COP1: variants seen among roughly 807,000 people sequenced by gnomAD.
COP1 encodes E3 ubiquitin-protein ligase COP1.
Under a neutral mutation model 101.3 loss-of-function variants are expected in COP1, and 24 were observed. The observed-to-expected ratio is 0.24, with a 90% CI of 0.17 to 0.33. The LOEUF is 0.33. Among genes scored for constraint, COP1 ranks in the 10% least tolerant of loss-of-function variants. COP1 has a pLI of 1.00. For missense variants in COP1, 663 were observed against 906.2 expected (o/e 0.73, Z 3.45); for synonymous variants, 347 against 341.9 (o/e 1.01, Z -0.17).
At chr1:175,993,287 A>T (rs2148787734) in intron 15 of COP1, among the ~76,000 whole-genome samples, 1 of 152,340 alleles carries the variant, frequency 6.6e-6, no homozygotes, top group Admixed American at 6.5e-5. Flanking sequence ...AACCACAAAG[A>T]TGGGGAAAAA....
intron 11 of COP1, among the ~76,000 whole-genome samples, chr1:176,059,260 C>T (rs1470295961): frequency 6.6e-6 from 1 of 152,132 alleles, no homozygotes; most frequent in African/African-American, 2.4e-5. Flanking sequence ...TTATTCTCTC[C>T]CTCTTAAGCA....
intron 11 of COP1, among the ~76,000 whole-genome samples, chr1:176,070,744 T>G (rs947318698): frequency 2.3e-4 from 35 of 152,194 alleles, no homozygotes; most frequent in South Asian, 4.1e-4. Context: ...CTTGAGCTCC[T>G]GGGCTCAAGA....
At chr1:175,993,719 A>G (rs1659316446) in intron 15 of COP1, among the ~76,000 whole-genome samples, 1 of 152,218 alleles carries the variant, frequency 6.6e-6, no homozygotes, top group Non-Finnish European at 1.5e-5. Context: ...AAATGAGCAA[A>G]GCCTCCAAGA....
chr1:176,041,648 C>T (rs902418797), intron 14 of COP1, among the ~76,000 whole-genome samples: 18 of 152,132 alleles, frequency 1.2e-4, no homozygotes, highest in African/African-American at 3.9e-4. Flanking sequence ...CTACCACGCC[C>T]GGCCCCTGCT....
chr1:176,070,228 G>C (rs528993320), intron 11 of COP1, among the ~76,000 whole-genome samples: 1 of 151,558 alleles, frequency 6.6e-6, no homozygotes, highest in South Asian at 2.1e-4. Context: ...CAATCACGAA[G>C]TTCTGGCTAC....
At chr1:176,202,319 A>C (rs767318378) in intron 1 of COP1, among the ~76,000 whole-genome samples, 9 of 150,874 alleles carry the variant, frequency 6.0e-5, no homozygotes, top group Non-Finnish European at 1.5e-5. Context: ...CTTCTTGAGT[A>C]GCTGGGACTA....
At chr1:176,188,816 AGT>A (rs972716709) in intron 1 of COP1, among the ~76,000 whole-genome samples, 1 of 136,654 alleles carries the variant, frequency 7.3e-6, no homozygotes, top group African/African-American at 2.6e-5. Flanking sequence ...TTCCAGCCTA[AGT>A]GACAAAACAC....
At chr1:175,968,338 ACCAG>A in intron 18 of COP1, 1 of 448,608 alleles carries the variant, frequency 2.2e-6, no homozygotes, top group Non-Finnish European at 4.5e-6. Context: ...AGTACTCATA[ACCAG>A]CAGATACTGA....
chr1:176,003,574 G>A (rs1390782261), intron 15 of COP1, among the ~76,000 whole-genome samples: 1 of 151,388 alleles, frequency 6.6e-6, no homozygotes, highest in East Asian at 1.9e-4. Context: ...CATATGGCTA[G>A]CCAGTTTTCC....
intron 15 of COP1, among the ~76,000 whole-genome samples, chr1:176,015,570 C>T (rs1665481308): frequency 6.6e-6 from 1 of 152,076 alleles, no homozygotes; most frequent in Admixed American, 6.6e-5. Context: ...AAGGTTATAT[C>T]TTGATAACCA....
At chr1:175,980,514 G>C (rs1655585671) in intron 18 of COP1, among the ~76,000 whole-genome samples, 1 of 152,148 alleles carries the variant, frequency 6.6e-6, no homozygotes, top group Non-Finnish European at 1.5e-5. Context: ...TTACAGCATA[G>C]TTGATAGGTT....
At chr1:176,029,179 A>G (rs6425373) in intron 14 of COP1, among the ~76,000 whole-genome samples, 143,002 of 152,222 alleles carry the variant, frequency 0.94, 67,618 homozygotes, top group East Asian at 1. Flanking sequence ...TAAGAATTTC[A>G]TGATTTTAAA....
At chr1:176,000,906 G>C (rs941862774) in intron 15 of COP1, among the ~76,000 whole-genome samples, 2 of 151,916 alleles carry the variant, frequency 1.3e-5, no homozygotes, top group African/African-American at 4.8e-5. Context: ...TAGTTCAGAT[G>C]ATCACTAATT....
intron 9 of COP1, among the ~76,000 whole-genome samples, chr1:176,105,239 A>G (rs1239285233): frequency 6.6e-6 from 1 of 152,146 alleles, no homozygotes; most frequent in Non-Finnish European, 1.5e-5. Context: ...GATTTTTAGA[A>G]TCAGGGTAAT....
At chr1:176,143,146 A>AGAGAGAGAGAGAGAGAG (rs1553286862) in intron 6 of COP1, among the ~76,000 whole-genome samples, 17 of 66,600 alleles carry the variant, frequency 2.6e-4, no homozygotes, top group African/African-American at 7.6e-4. Flanking sequence ...GAGCGAGAGA[A>AGAGAGAGAGAGAGAGAG]AGAGAGAGAG....
intron 11 of COP1, among the ~76,000 whole-genome samples, chr1:176,046,961 A>C (rs1382301203): frequency 1.3e-5 from 2 of 152,056 alleles, no homozygotes; most frequent in Non-Finnish European, 2.9e-5. Context: ...TAAATAAATA[A>C]ATAAATAATC....
Position 175,952,822 on chromosome 1 carries a change from C to T in COP1, c.2134-5583G>A, listed in dbSNP as rs143483277. Among the ~76,000 whole-genome samples, 207 of 152,120 alleles carry T rather than the reference C, an allele frequency of 1.4e-3. 3 individuals carry two copies. Among genetic ancestry groups the T allele is most frequent in the African/African-American group, 4.6e-3 (191 of 41,498 alleles). ...GTCCCAGCTACTCCGGAGGCTGAAG[C>T]GGGAGGATCTCTTGAGCCTAGGAGT... On this transcript the variant is annotated intron_variant, in intron 18 of 19. Transcript: ENST00000367669.
At chr1:176,113,163 C>T (rs1685582780) in intron 9 of COP1, among the ~76,000 whole-genome samples, 1 of 152,128 alleles carries the variant, frequency 6.6e-6, no homozygotes, top group Non-Finnish European at 1.5e-5. Context: ...TTTACATTCT[C>T]ATCAGTATAG....
intron 18 of COP1, among the ~76,000 whole-genome samples, chr1:175,971,671 A>T (rs1483179292): frequency 1.3e-5 from 2 of 152,178 alleles, no homozygotes; most frequent in African/African-American, 4.8e-5. Context: ...CATTGTAATA[A>T]ATCAGTCAAT....
Sources: allele counts gnomAD v4.1 joint callset (sites outside exome capture counted in the v4.1 genomes callset), GRCh38; gene constraint gnomAD v4.1.1; transcripts MANE v1.5; gene names NCBI Gene and HGNC (gene_info 2026-07-23, HGNC 2026-07-21).